DHX35: variants seen among roughly 807,000 people sequenced by gnomAD.
DHX35 encodes the protein probable ATP-dependent RNA helicase DHX35.
Under a neutral mutation model 99.6 loss-of-function variants are expected in DHX35, and 84 were observed. That is an observed-to-expected ratio of 0.84 (90% CI 0.71 to 1.01). The LOEUF is 1.01. Among genes scored for constraint, DHX35 ranks in the 50% least tolerant of loss-of-function variants. DHX35 has a pLI of 0.00. For missense variants in DHX35, 852 were observed against 888.5 expected (o/e 0.96, Z 0.52); for synonymous variants, 331 against 316.2 (o/e 1.05, Z -0.50).
In DHX35 at chr20:39,019,051, T is replaced by C; in HGVS notation, c.1498+152T>C. ...AACATTTATTGTTTTAACCATTTTATGTGTGTAGTTCTGTGATACAAAGTA... is the reference window on the plus strand; with the variant it reads ...AACATTTATTGTTTTAACCATTTTACGTGTGTAGTTCTGTGATACAAAGTA... On this transcript the variant is annotated intron_variant, in intron 15 of 21. Transcript: ENST00000252011. The C allele has an allele frequency of 7.3e-6, 5 of 682,326 alleles. No individual in the cohort carries two copies. The East Asian group carries it at 8.4e-5, about 11-fold the overall frequency. 42.3% of individuals were successfully genotyped at this position (682,326 alleles called of 1,614,324 possible). A position where few individuals can be genotyped will look rare whatever the true frequency, so the allele number is the denominator to read the frequency against.
At chr20:39,021,733 A>G in intron 15 of DHX35, 108 bp from the exon 16 acceptor site, 1 of 1,111,000 alleles carries the variant, frequency 9.0e-7, no homozygotes, top group Admixed American at 1.8e-5. Flanking sequence ...CTCTAGAAAA[A>G]ATATGATCTT....
intron 3 of DHX35, chr20:38,977,684 TA>T (rs1601373593): frequency 2.7e-6 from 1 of 370,556 alleles, no homozygotes; most frequent in Non-Finnish European, 5.1e-6. Context: ...CTCTGCATTA[TA>T]AAAAGAACAG....
rs1462127458 is a variant in DHX35, at chr20:38,988,703, T to C, written c.346-110T>C. ...ATAACTTGTCTCTTTTCATTTTTCA[T>C]TGTGTTCACATACTATTTAAAATAT... On this transcript the variant is annotated intron_variant, in intron 4 of 21. Transcript: ENST00000252011. 3 of 1,423,378 alleles carry C rather than the reference T, an allele frequency of 2.1e-6. No individual in the cohort carries two copies. The African/African-American group carries it at 4.3e-5, about 20-fold the overall frequency. 88.2% of individuals were successfully genotyped at this position (1,423,378 alleles called of 1,614,324 possible). A position where few individuals can be genotyped will look rare whatever the true frequency, so the allele number is the denominator to read the frequency against.
chr20:39,006,116 GT>G, intron 11 of DHX35, 29 bp from the exon 12 acceptor site: 1 of 1,593,756 alleles, frequency 6.3e-7, no homozygotes. Context: ...AATAAAATGA[GT>G]TTTATTCTTC....
chr20:39,006,321 G>C lies in DHX35; in HGVS notation c.1187G>C (p.Arg396Pro), dbSNP rs376591273. 3 of 1,614,144 alleles carry C rather than the reference G, an allele frequency of 1.9e-6. No individual in the cohort carries two copies. The highest frequency in any genetic ancestry group is 2.5e-6 in the Non-Finnish European group (3 of 1,180,012). ...SANQRAGRGG[R>P]SRSGKCYRLY... ...AATCAGCGAGCAGGACGTGGTGGTC[G>C]TAGTCGCTCGGGAAAATGTTATCGC... The change falls in exon 12 of 22, where the codon CGT (arginine) becomes CCT (proline). Residue 396 changes from arginine (R) to proline (P), a missense_variant. By Grantham distance (103) the Arg-to-Pro change is moderately radical. Coordinates refer to ENST00000252011, the MANE Select transcript of DHX35 (RefSeq NM_021931.4).
chr20:38,968,790 A>G (rs2085947770), intron 1 of DHX35, among the ~76,000 whole-genome samples: 1 of 152,156 alleles, frequency 6.6e-6, no homozygotes, highest in Admixed American at 6.6e-5. Context: ...GAGCTCAGGC[A>G]ATCCGCCCGC....
intron 12 of DHX35, among the ~76,000 whole-genome samples, chr20:39,007,556 T>C (rs886694456): frequency 1.3e-5 from 2 of 152,234 alleles, no homozygotes; most frequent in African/African-American, 2.4e-5. Context: ...GCTGGTGTTA[T>C]CCTTCTGGGG....
At chr20:39,020,038 C>T (rs1040796492) in intron 15 of DHX35, among the ~76,000 whole-genome samples, 28 of 152,128 alleles carry the variant, frequency 1.8e-4, no homozygotes, top group African/African-American at 6.8e-4. Context: ...TCCTCCAGTT[C>T]CATTTATGCT....
In DHX35 at chr20:39,006,254, A is replaced by G. The variant is rs759666727; in HGVS notation, c.1120A>G (p.Ile374Val). The part of the protein sequence containing the change: ...KLRAYNPRTA[I>V]ECLVVVPVSQ... ...CCGAGCCTACAATCCCAGGACAGCT[A>G]TTGAATGCTTGGTGGTGGTGCCAGT... The change falls in exon 12 of 22, where the codon ATT (isoleucine) becomes GTT (valine). Residue 374 changes from isoleucine to valine, a missense_variant. Ile to Val is a conservative substitution (Grantham distance 29, BLOSUM62 3). Transcript: ENST00000252011. 3.1e-6 allele frequency: 5 copies of G among 1,614,044 alleles called. No homozygotes were observed. The South Asian group carries it at 3.3e-5, about 11-fold the overall frequency.
intron 1 of DHX35, among the ~76,000 whole-genome samples, chr20:38,964,845 A>AG (rs1390031877): frequency 2.6e-5 from 4 of 152,194 alleles, no homozygotes; most frequent in African/African-American, 9.6e-5. Flanking sequence ...GAAATCCAGG[A>AG]GGGATGTTAA....
intron 21 of DHX35, among the ~76,000 whole-genome samples, chr20:39,036,110 G>A (rs2087146685): frequency 6.6e-6 from 1 of 152,218 alleles, no homozygotes. Context: ...GAGGAATGGT[G>A]CAGTGGTCAA....
chr20:38,978,034 T>G, intron 3 of DHX35: 1 of 734,906 alleles, frequency 1.4e-6, no homozygotes, highest in East Asian at 2.5e-5. Context: ...CACATCTTCT[T>G]CCTCTTCATC....
intron 1 of DHX35, among the ~76,000 whole-genome samples, chr20:38,968,782 G>A (rs1475447027): frequency 2.6e-5 from 4 of 152,158 alleles, no homozygotes. Context: ...TAACCCCTGA[G>A]CTCAGGCAAT....
chr20:39,017,953 A>G (rs1350111720), intron 14 of DHX35, among the ~76,000 whole-genome samples: 1 of 152,190 alleles, frequency 6.6e-6, no homozygotes, highest in Non-Finnish European at 1.5e-5. Flanking sequence ...TCACAGTTCC[A>G]CATGGCTGGG....
intron 4 of DHX35, among the ~76,000 whole-genome samples, chr20:38,984,909 T>A (rs2086227261): frequency 2.0e-5 from 3 of 151,910 alleles, no homozygotes; most frequent in African/African-American, 4.8e-5. Context: ...TTTTTTTTTT[T>A]AATATGCTTG....
rs567001339 is a variant in DHX35 at position 38,995,081 on chromosome 20, A to G, written c.642+201A>G. Among the ~76,000 whole-genome samples the G allele has an allele frequency of 6.6e-5, 10 of 152,370 alleles. No homozygotes were observed. In the South Asian group the frequency reaches 2.1e-3, roughly 32 times the overall value. On this transcript the variant is annotated intron_variant, in intron 8 of 21. Transcript: ENST00000252011. The stretch of plus-strand genomic sequence containing the variant: ...AATTAGACTGTAATTAATTGAGCTC[A>G]TAATTACCTACCTGTCTTGTTTATC...
intron 7 of DHX35, among the ~76,000 whole-genome samples, chr20:38,993,382 G>A (rs1021572220): frequency 2.0e-5 from 3 of 151,640 alleles, no homozygotes; most frequent in African/African-American, 7.3e-5. Context: ...TTTTTGAGAC[G>A]GAGTTTTGCC....
At chr20:39,014,136 A>T (rs1165093439) in intron 13 of DHX35, among the ~76,000 whole-genome samples, 1 of 152,234 alleles carries the variant, frequency 6.6e-6, no homozygotes, top group Non-Finnish European at 1.5e-5. Flanking sequence ...TGAATTTAGA[A>T]AAAATGCATT....
chr20:38,962,897 T>C (rs2085856514), intron 1 of DHX35: 1 of 159,432 alleles, frequency 6.3e-6, no homozygotes, highest in South Asian at 1.7e-4. Flanking sequence ...ATGACTTCTT[T>C]ACCTGTAAAG....
Sources: allele counts gnomAD v4.1 joint callset (sites outside exome capture counted in the v4.1 genomes callset), GRCh38; gene constraint gnomAD v4.1.1; transcripts MANE v1.5; gene names NCBI Gene and HGNC (gene_info 2026-07-23, HGNC 2026-07-21).